The following SLC71A1 variants were observed in gnomAD, a reference collection of about 807,000 sequenced individuals.
SLC71A1 encodes hippocampus abundant gene transcript 1.
chr1:100,073,894 AT>A, the SLC71A1 span, among the ~76,000 whole-genome samples: 1 of 152,118 alleles, frequency 6.6e-6, no homozygotes, highest in Non-Finnish European at 1.5e-5. Flanking sequence ...GACACCAAAA[AT>A]TTTTTCCGTT....
the SLC71A1 span, chr1:100,078,639 T>C: frequency 1.1e-6 from 1 of 896,612 alleles, no homozygotes; most frequent in South Asian, 1.6e-5. Flanking sequence ...CATAAGTATA[T>C]CTTCAGGGTA....
chr1:100,074,594 A>C, the SLC71A1 span, among the ~76,000 whole-genome samples: 1 of 150,838 alleles, frequency 6.6e-6, no homozygotes, highest in Non-Finnish European at 1.5e-5. Flanking sequence ...GGAAAAAGAA[A>C]GGCTGGGCAC....
chr1:100,046,102 A>G, the SLC71A1 span, among the ~76,000 whole-genome samples: 1 of 144,926 alleles, frequency 6.9e-6, no homozygotes, highest in Non-Finnish European at 1.5e-5. Flanking sequence ...TGGGTTCTCT[A>G]TTGTGCTCTA....
the SLC71A1 span, among the ~76,000 whole-genome samples, chr1:100,054,177 A>T: frequency 2.0e-5 from 3 of 151,076 alleles, no homozygotes; most frequent in Non-Finnish European, 3.0e-5. Context: ...CAGTAGCTGG[A>T]ATTACAGGTG....
the SLC71A1 span, among the ~76,000 whole-genome samples, chr1:100,040,138 A>G: frequency 1.3e-5 from 2 of 152,090 alleles, no homozygotes; most frequent in Non-Finnish European, 2.9e-5. Flanking sequence ...AGCACTGGGC[A>G]CTCCTTTAGA....
chr1:100,041,940 G>A, the SLC71A1 span, among the ~76,000 whole-genome samples: 1 of 150,862 alleles, frequency 6.6e-6, no homozygotes. Context: ...AAAAAAAGAA[G>A]TTTTTAGTTA....
At chr1:100,060,744 A>G in the SLC71A1 span, among the ~76,000 whole-genome samples, 1 of 151,774 alleles carries the variant, frequency 6.6e-6, no homozygotes, top group Non-Finnish European at 1.5e-5. Flanking sequence ...CTTGATTAAA[A>G]TCAGTATTTT....
chr1:100,067,015 TTAAA>T, the SLC71A1 span, among the ~76,000 whole-genome samples: 1 of 143,020 alleles, frequency 7.0e-6, no homozygotes, highest in African/African-American at 2.6e-5. Context: ...AAAAAAAAAT[TTAAA>T]TAGAGGCAGG....
At chr1:100,068,014 C>T in the SLC71A1 span, 1 of 1,614,022 alleles carries the variant, frequency 6.2e-7, no homozygotes, top group South Asian at 1.1e-5. Flanking sequence ...GTCACCAGTC[C>T]TGCAATTGGA....
At chr1:100,040,946 A>G in the SLC71A1 span, among the ~76,000 whole-genome samples, 1 of 152,206 alleles carries the variant, frequency 6.6e-6, no homozygotes. Flanking sequence ...TGGTCGGTAC[A>G]TGACAGTCGT....
chr1:100,067,173 A>T, the SLC71A1 span, among the ~76,000 whole-genome samples: 1 of 151,998 alleles, frequency 6.6e-6, no homozygotes, highest in African/African-American at 2.4e-5. Flanking sequence ...TGAATTTGCC[A>T]GTAGGATTTA....
chr1:100,059,206 T>C, the SLC71A1 span, among the ~76,000 whole-genome samples: 5 of 133,194 alleles, frequency 3.8e-5, no homozygotes, highest in Non-Finnish European at 6.1e-5. Flanking sequence ...CAGGCTGGAG[T>C]GCAAGTGGCA....
At chr1:100,050,072 TG>T in the SLC71A1 span, 1 of 845,816 alleles carries the variant, frequency 1.2e-6, no homozygotes. Flanking sequence ...TGGAGGAAAA[TG>T]TGGGCCTTTT....
At chr1:100,045,736 A>C in the SLC71A1 span, among the ~76,000 whole-genome samples, 1 of 146,846 alleles carries the variant, frequency 6.8e-6, no homozygotes, top group Non-Finnish European at 1.5e-5. Flanking sequence ...TTTGAGACAG[A>C]GTCTCGCTCT....
chr1:100,045,110 A>G, the SLC71A1 span, among the ~76,000 whole-genome samples: 2 of 152,104 alleles, frequency 1.3e-5, no homozygotes, highest in African/African-American at 4.8e-5. Flanking sequence ...CATTTTCACA[A>G]TGTTGATTCT....
chr1:100,049,792 G>A, the SLC71A1 span: 1 of 605,922 alleles, frequency 1.7e-6, no homozygotes. Context: ...TTGACACAGT[G>A]CCCAGTACAT....
chr1:100,043,788 G>C, the SLC71A1 span, among the ~76,000 whole-genome samples: 1 of 152,156 alleles, frequency 6.6e-6, no homozygotes, highest in African/African-American at 2.4e-5. Flanking sequence ...ACTCTCACTT[G>C]TAAGTGAGAA....
the SLC71A1 span, chr1:100,082,281 T>G: frequency 9.1e-7 from 1 of 1,093,946 alleles, no homozygotes; most frequent in Non-Finnish European, 1.4e-6. Flanking sequence ...GGATGTACAT[T>G]CCATTTCCAT....
At chr1:100,066,614 A>G in the SLC71A1 span, among the ~76,000 whole-genome samples, 1 of 152,172 alleles carries the variant, frequency 6.6e-6, no homozygotes, top group African/African-American at 2.4e-5. Flanking sequence ...CCCCTCCCCT[A>G]AGGACCAGCA....
Sources: allele counts gnomAD v4.1 joint callset (sites outside exome capture counted in the v4.1 genomes callset), GRCh38; gene constraint gnomAD v4.1.1; transcripts MANE v1.5; gene names NCBI Gene and HGNC (gene_info 2026-07-23, HGNC 2026-07-21).